The following GPC5 variants were observed in gnomAD, a reference collection of about 807,000 sequenced individuals.
GPC5 encodes glypican 5, also known as glypican-5.
In GPC5, 47 loss-of-function variants were observed where a neutral mutation model predicts 53.9. The ratio of observed to expected loss-of-function variants is 0.87; its 90% confidence interval spans 0.69 to 1.11. The LOEUF is 1.11. Ranked by LOEUF, GPC5 falls within the 50% of genes most tolerant of loss-of-function variation. GPC5 has a pLI of 0.00. For synonymous variants in GPC5, 286 were observed against 263.3 expected (o/e 1.09, Z -0.84); for missense variants, 748 against 713.1 (o/e 1.05, Z -0.56).
At chr13:92,235,468 C>A (rs1372402724) in intron 7 of GPC5, among the ~76,000 whole-genome samples, 4 of 152,034 alleles carry the variant, frequency 2.6e-5, no homozygotes. Context: ...AATTTTCATA[C>A]CCATATTCCA....
At chr13:92,287,646 T>A (rs891348113) in intron 7 of GPC5, among the ~76,000 whole-genome samples, 1 of 152,094 alleles carries the variant, frequency 6.6e-6, no homozygotes, top group Non-Finnish European at 1.5e-5. Context: ...GGCTGTCAAT[T>A]ATATTGAAAG....
intron 7 of GPC5, among the ~76,000 whole-genome samples, chr13:92,521,976 C>G (rs558014878): frequency 1.3e-5 from 2 of 152,148 alleles, no homozygotes; most frequent in Non-Finnish European, 2.9e-5. Context: ...AGGATATGAA[C>G]AGACACTTCT....
At chr13:92,310,480 G>C (rs1926629) in intron 7 of GPC5, among the ~76,000 whole-genome samples, 73,697 of 151,994 alleles carry the variant, frequency 0.48, 19,761 homozygotes, top group African/African-American at 0.74. Context: ...AGTAACAGCT[G>C]TACCTTTCTG....
chr13:92,446,031 G>GT (rs1385288312), intron 7 of GPC5, among the ~76,000 whole-genome samples: 1 of 151,974 alleles, frequency 6.6e-6, no homozygotes, highest in Non-Finnish European at 1.5e-5. Flanking sequence ...CATGTAATGT[G>GT]TAATAATTAC....
chr13:92,502,790 T>C (rs1484184561), intron 7 of GPC5, among the ~76,000 whole-genome samples: 1 of 151,994 alleles, frequency 6.6e-6, no homozygotes, highest in Admixed American at 6.6e-5. Flanking sequence ...TGATACAATC[T>C]GTAGACAGAA....
intron 7 of GPC5, among the ~76,000 whole-genome samples, chr13:92,267,427 C>T (rs1040916645): frequency 1.3e-5 from 2 of 152,058 alleles, no homozygotes; most frequent in Admixed American, 6.5e-5. Context: ...CAATACTGAA[C>T]ATTCTGTTCT....
At chr13:92,263,184 A>G (rs1234532200) in intron 7 of GPC5, among the ~76,000 whole-genome samples, 1 of 152,176 alleles carries the variant, frequency 6.6e-6, no homozygotes, top group African/African-American at 2.4e-5. Context: ...TTAGAGAATT[A>G]TAGAATTATA....
intron 1 of GPC5, among the ~76,000 whole-genome samples, chr13:91,443,223 G>A (rs905665251): frequency 3.3e-5 from 5 of 152,082 alleles, no homozygotes; most frequent in Non-Finnish European, 2.9e-5. Flanking sequence ...TAGAGATGGG[G>A]CCTTTAAACA....
At chr13:92,044,392 G>T (rs1331750270) in intron 6 of GPC5, among the ~76,000 whole-genome samples, 1 of 152,202 alleles carries the variant, frequency 6.6e-6, no homozygotes, top group Non-Finnish European at 1.5e-5. Flanking sequence ...CCACACAGCA[G>T]CTGCCTCTAC....
chr13:91,683,880 T>C (rs2035563307), intron 2 of GPC5, among the ~76,000 whole-genome samples: 1 of 152,192 alleles, frequency 6.6e-6, no homozygotes, highest in Non-Finnish European at 1.5e-5. Context: ...GTTTTCTGCT[T>C]CCATTATAGC....
chr13:92,511,183 AT>A (rs1301661394), intron 7 of GPC5, among the ~76,000 whole-genome samples: 3 of 152,070 alleles, frequency 2.0e-5, no homozygotes, highest in African/African-American at 7.2e-5. Flanking sequence ...TATTTTTTCT[AT>A]TTTAATTATT....
chr13:92,797,827 A>AGAT (rs386380228), intron 7 of GPC5, among the ~76,000 whole-genome samples: 146 of 123,096 alleles, frequency 1.2e-3, no homozygotes, highest in Non-Finnish European at 2.3e-3. Flanking sequence ...GATGATAGAT[A>AGAT]GATAGATAGA....
At chr13:92,102,502 G>A (rs2041475213) in intron 6 of GPC5, among the ~76,000 whole-genome samples, 1 of 152,144 alleles carries the variant, frequency 6.6e-6, no homozygotes, top group South Asian at 2.1e-4. Context: ...TCTAGAATGT[G>A]ACTCAGAATA....
chr13:91,550,509 C>T (rs1344664909), intron 2 of GPC5, among the ~76,000 whole-genome samples: 1 of 152,008 alleles, frequency 6.6e-6, no homozygotes, highest in African/African-American at 2.4e-5. Context: ...TTGCTGTGAA[C>T]CTAAAACTTC....
At chr13:92,141,766 T>C (rs2041832897) in intron 6 of GPC5, among the ~76,000 whole-genome samples, 1 of 152,154 alleles carries the variant, frequency 6.6e-6, no homozygotes. Context: ...TGACTCAGTT[T>C]GGGAGCTGAG....
intron 7 of GPC5, among the ~76,000 whole-genome samples, chr13:92,178,206 G>A (rs2042122133): frequency 6.6e-6 from 1 of 152,176 alleles, no homozygotes; most frequent in Non-Finnish European, 1.5e-5. Flanking sequence ...CATCAGAACA[G>A]ATGGCTCTGC....
intron 7 of GPC5, among the ~76,000 whole-genome samples, chr13:92,511,532 C>T (rs1361990966): frequency 6.6e-6 from 1 of 152,064 alleles, no homozygotes; most frequent in Non-Finnish European, 1.5e-5. Context: ...ATTTAGCCTG[C>T]AAAAAATGCC....
intron 5 of GPC5, among the ~76,000 whole-genome samples, chr13:91,907,301 AT>A (rs887840586): frequency 7.4e-5 from 11 of 148,338 alleles, no homozygotes; most frequent in Non-Finnish European, 1.5e-4. Context: ...TAATAAAACT[AT>A]TTTTATCATG....
At chr13:92,690,594 G>A (rs993399137) in intron 7 of GPC5, among the ~76,000 whole-genome samples, 3 of 144,660 alleles carry the variant, frequency 2.1e-5, no homozygotes, top group South Asian at 2.3e-4. Flanking sequence ...ATCCAGCTTT[G>A]TTCTGTTGCT....
Sources: gnomAD v4.1 joint callset for allele counts (sites outside exome capture counted in the v4.1 genomes callset) on GRCh38, gnomAD v4.1.1 for gene constraint, MANE v1.5 for transcripts, NCBI Gene and HGNC (gene_info 2026-07-23, HGNC 2026-07-21) for gene names.